SV2C: variants seen among roughly 807,000 people sequenced by gnomAD.
SV2C encodes the protein synaptic vesicle glycoprotein 2C.
Under a neutral mutation model 79.7 loss-of-function variants are expected in SV2C, and 49 were observed. That is an observed-to-expected ratio of 0.61 (90% CI 0.49 to 0.78). SV2C has a LOEUF of 0.78. Among genes scored for constraint, SV2C ranks in the 30% least tolerant of loss-of-function variants. The probability of loss-of-function intolerance (pLI) is 0.00; values close to 1 mark genes in which losing one functional copy is unlikely to be tolerated. For synonymous variants in SV2C, 334 were observed against 333.2 expected (o/e 1.00, Z -0.03); for missense variants, 833 against 912.9 (o/e 0.91, Z 1.13).
intron 2 of SV2C, among the ~76,000 whole-genome samples, chr5:76,154,775 A>G (rs1359795587): frequency 6.6e-6 from 1 of 152,242 alleles, no homozygotes; most frequent in Non-Finnish European, 1.5e-5. Flanking sequence ...GTCTTAATCA[A>G]TTTTGAGGTT....
At chr5:76,245,300 A>G (rs1745910692) in intron 4 of SV2C, among the ~76,000 whole-genome samples, 1 of 152,206 alleles carries the variant, frequency 6.6e-6, no homozygotes, top group African/African-American at 2.4e-5. Context: ...GAAGAGGAAG[A>G]GGAAGGACTA....
intron 12 of SV2C, among the ~76,000 whole-genome samples, chr5:76,312,188 C>T (rs974430422): frequency 1.3e-5 from 2 of 152,002 alleles, no homozygotes; most frequent in African/African-American, 4.8e-5. Flanking sequence ...CTTTCTGCTG[C>T]CACTATGTGG....
chr5:75,902,300 G>T, the SV2C span, among the ~76,000 whole-genome samples: 1 of 152,158 alleles, frequency 6.6e-6, no homozygotes, highest in Non-Finnish European at 1.5e-5. Context: ...TCTTAATAAG[G>T]TGGTAGACAC....
At chr5:76,284,270 T>C (rs1285529504) in intron 4 of SV2C, among the ~76,000 whole-genome samples, 2 of 151,774 alleles carry the variant, frequency 1.3e-5, no homozygotes, top group Non-Finnish European at 2.9e-5. Flanking sequence ...TATTTTTCTA[T>C]TATATAAAAA....
At chr5:75,901,920 C>A in the SV2C span, among the ~76,000 whole-genome samples, 1 of 152,120 alleles carries the variant, frequency 6.6e-6, no homozygotes, top group Non-Finnish European at 1.5e-5. Context: ...TTCTGGTGCG[C>A]CATTTTTTAA....
chr5:75,967,400 G>A, the SV2C span, among the ~76,000 whole-genome samples: 1 of 152,204 alleles, frequency 6.6e-6, no homozygotes, highest in South Asian at 2.1e-4. Flanking sequence ...AGCGCAAGGG[G>A]TCAAGGAATT....
At chr5:76,250,414 G>A (rs899130958) in intron 4 of SV2C, among the ~76,000 whole-genome samples, 3 of 152,144 alleles carry the variant, frequency 2.0e-5, no homozygotes, top group Admixed American at 2.0e-4. Flanking sequence ...GTTTATTGTT[G>A]TTGCTGTCAT....
chr5:75,857,387 C>G, the SV2C span, among the ~76,000 whole-genome samples: 3 of 152,004 alleles, frequency 2.0e-5, no homozygotes, highest in African/African-American at 7.3e-5. Flanking sequence ...ATTGTTTGTT[C>G]TTGGCATTTT....
chr5:76,016,324 A>G, the SV2C span, among the ~76,000 whole-genome samples: 8 of 146,040 alleles, frequency 5.5e-5, no homozygotes, highest in Non-Finnish European at 1.2e-4. Context: ...ATTCCTGACC[A>G]CTGTGCCCAC....
At chr5:76,000,445 C>T in the SV2C span, among the ~76,000 whole-genome samples, 1 of 152,078 alleles carries the variant, frequency 6.6e-6, no homozygotes, top group Non-Finnish European at 1.5e-5. Context: ...CTGGGCCTGC[C>T]TCATAATGCT....
the SV2C span, among the ~76,000 whole-genome samples, chr5:75,896,715 C>G: frequency 6.6e-6 from 1 of 150,724 alleles, no homozygotes; most frequent in East Asian, 1.9e-4. Flanking sequence ...TTCTCCACAT[C>G]CTCTCCAGCA....
intron 4 of SV2C, among the ~76,000 whole-genome samples, chr5:76,214,012 A>G (rs926010507): frequency 3.9e-5 from 6 of 152,180 alleles, no homozygotes; most frequent in Admixed American, 6.5e-5. Flanking sequence ...AATGCCTTCC[A>G]GGTTCATTCA....
intron 1 of SV2C, among the ~76,000 whole-genome samples, chr5:76,111,467 A>G (rs1291594972): frequency 6.6e-6 from 1 of 152,170 alleles, no homozygotes; most frequent in East Asian, 1.9e-4. Flanking sequence ...GAGGAAATGT[A>G]TTTTGTCCTT....
chr5:76,297,547 GAAAAAATTGAT>G (rs1428408911), intron 9 of SV2C, among the ~76,000 whole-genome samples: 1 of 152,100 alleles, frequency 6.6e-6, no homozygotes, highest in Non-Finnish European at 1.5e-5. Context: ...TTCCATGACA[GAAAAAATTGAT>G]AACTTTTTAA....
the SV2C span, among the ~76,000 whole-genome samples, chr5:75,952,461 A>C: frequency 6.6e-6 from 1 of 151,716 alleles, no homozygotes; most frequent in South Asian, 2.1e-4. Flanking sequence ...GTCCCCTCCA[A>C]ATCTCAGGTT....
chr5:75,984,434 A>T, the SV2C span, among the ~76,000 whole-genome samples: 31 of 152,232 alleles, frequency 2.0e-4, no homozygotes, highest in African/African-American at 7.5e-4. Flanking sequence ...CTGTGAGGTT[A>T]TTACTATGCC....
At chr5:76,063,572 G>A in the SV2C span, among the ~76,000 whole-genome samples, 1 of 152,166 alleles carries the variant, frequency 6.6e-6, no homozygotes, top group South Asian at 2.1e-4. Context: ...AATGTGATTT[G>A]GACATTCACT....
chr5:75,951,652 C>T, the SV2C span, among the ~76,000 whole-genome samples: 1 of 152,034 alleles, frequency 6.6e-6, no homozygotes, highest in African/African-American at 2.4e-5. Flanking sequence ...AGAGATGCCT[C>T]ATGCAGAAGA....
At position 76,307,329 on chromosome 5, in the gene SV2C, T is replaced by TAA. The variant is rs1410471667; in HGVS notation, c.2000+5786_2000+5787dup. Among the ~76,000 whole-genome samples the TAA allele has an allele frequency of 1.6e-4, 25 of 152,338 alleles. No individual in the cohort carries two copies. The East Asian group carries it at 1.9e-3, about 12-fold the overall frequency. The stretch of plus-strand genomic sequence containing the variant: ...GTTGGCTTCATAGGCAGAAAAGCTC[T>TAA]AAAGAGAGCAGATACAGAGAACAAA... On this transcript the variant is annotated intron_variant, in intron 12 of 12. Coordinates refer to ENST00000502798, the MANE Select transcript of SV2C (RefSeq NM_014979.4).
Sources: allele counts gnomAD v4.1 joint callset (sites outside exome capture counted in the v4.1 genomes callset), GRCh38; gene constraint gnomAD v4.1.1; transcripts MANE v1.5; gene names NCBI Gene and HGNC (gene_info 2026-07-23, HGNC 2026-07-21).